The following KAZN variants were observed in gnomAD, a reference collection of about 807,000 sequenced individuals.
KAZN encodes the protein kazrin, periplakin interacting protein, also known as kazrin.
In KAZN, 40 loss-of-function variants were observed where a neutral mutation model predicts 87.4. The observed-to-expected ratio is 0.46, with a 90% CI of 0.36 to 0.60. The LOEUF (loss-of-function observed/expected upper bound fraction) is 0.60. KAZN is among the 20% of genes least tolerant of loss of function. KAZN has a pLI of 0.00. For synonymous variants in KAZN, 466 were observed against 458.3 expected (o/e 1.02, Z -0.22); for missense variants, 898 against 1,073.9 (o/e 0.84, Z 2.29).
intron 2 of KAZN, among the ~76,000 whole-genome samples, chr1:15,030,398 G>T (rs1278602851): frequency 6.6e-6 from 1 of 152,108 alleles, no homozygotes; most frequent in Admixed American, 6.5e-5. Flanking sequence ...CTCTGGAGTA[G>T]CTGAGACTAC....
rs573295719 is a variant in KAZN, at chr1:14,493,916, C to T, written c.250-105067C>T. ...CAATACTTCTTTGTCTCCTCAGTCC[C>T]ATCTCCAGGTCAGGGTTGTGTCTCA... On this transcript the variant is annotated intron_variant, in intron 2 of 16. Transcript: ENST00000636203. Among the ~76,000 whole-genome samples the T allele has an allele frequency of 5.9e-5, 9 of 152,300 alleles. No individual in the cohort carries two copies. The East Asian group carries it at 1.7e-3, about 29-fold the overall frequency.
intron 1 of KAZN, among the ~76,000 whole-genome samples, chr1:14,136,583 A>C (rs966728802): frequency 6.6e-6 from 1 of 151,066 alleles, no homozygotes. Context: ...TAAATTCCAA[A>C]GAGCTTCCCA....
chr1:14,893,486 C>T (rs1654940898), intron 1 of KAZN, among the ~76,000 whole-genome samples: 1 of 152,182 alleles, frequency 6.6e-6, no homozygotes, highest in South Asian at 2.1e-4. Context: ...GAGCAAAGCC[C>T]TTGCTGATGC....
At chr1:14,601,626 G>A (rs1300029893) in intron 1 of KAZN, among the ~76,000 whole-genome samples, 1 of 152,150 alleles carries the variant, frequency 6.6e-6, no homozygotes, top group Non-Finnish European at 1.5e-5. Flanking sequence ...GCAATTGATT[G>A]GGTTCCACTT....
intron 2 of KAZN, among the ~76,000 whole-genome samples, chr1:14,514,029 A>G (rs913711222): frequency 9.2e-5 from 14 of 151,752 alleles, no homozygotes; most frequent in African/African-American, 3.4e-4. Flanking sequence ...CCGAAAAAAA[A>G]TATTTTTTAG....
chr1:14,564,042 G>A (rs1449947731), intron 2 of KAZN, among the ~76,000 whole-genome samples: 1 of 151,598 alleles, frequency 6.6e-6, no homozygotes, highest in African/African-American at 2.4e-5. Flanking sequence ...GCCAATTTTT[G>A]TATTTTAGTA....
intron 1 of KAZN, among the ~76,000 whole-genome samples, chr1:14,023,773 G>A (rs116170063): frequency 0.011 from 1,683 of 152,300 alleles, 27 homozygotes; most frequent in African/African-American, 0.037. Context: ...GGGGAAGTGG[G>A]TGAGTGAGGA....
At chr1:14,706,753 C>T (rs374745168) in intron 1 of KAZN, among the ~76,000 whole-genome samples, 1 of 152,208 alleles carries the variant, frequency 6.6e-6, no homozygotes, top group South Asian at 2.1e-4. Flanking sequence ...AGTTTCTCCA[C>T]ACCTTTTAGT....
At chr1:14,182,724 G>C (rs1329783551) in intron 2 of KAZN, among the ~76,000 whole-genome samples, 1 of 152,058 alleles carries the variant, frequency 6.6e-6, no homozygotes, top group Non-Finnish European at 1.5e-5. Context: ...GGGCATTTCG[G>C]GGGCTAATTC....
At chr1:14,976,031 CAAAAAAA>C (rs1162988294) in intron 2 of KAZN, among the ~76,000 whole-genome samples, 256 of 85,510 alleles carry the variant, frequency 3.0e-3, no homozygotes, top group Non-Finnish European at 5.2e-3. Flanking sequence ...GACTCCGTCT[CAAAAAAA>C]AAAAAAAAAA....
chr1:14,005,863 T>C (rs1204294597), intron 1 of KAZN, among the ~76,000 whole-genome samples: 1 of 152,190 alleles, frequency 6.6e-6, no homozygotes, highest in African/African-American at 2.4e-5. Flanking sequence ...CACTGGCCTG[T>C]AGTGTTACAG....
chr1:14,481,215 G>C (rs992494373), intron 2 of KAZN, among the ~76,000 whole-genome samples: 1 of 152,050 alleles, frequency 6.6e-6, no homozygotes, highest in Non-Finnish European at 1.5e-5. Flanking sequence ...CAATTTTCCT[G>C]CCCACTCAGT....
intron 1 of KAZN, among the ~76,000 whole-genome samples, chr1:14,951,977 A>C (rs10803327): frequency 0.4 from 60,479 of 152,072 alleles, 13,022 homozygotes; most frequent in African/African-American, 0.57. Flanking sequence ...CGCAGAGCCC[A>C]GCAGACCTGG....
At chr1:14,075,743 C>T (rs942216730) in intron 1 of KAZN, among the ~76,000 whole-genome samples, 4 of 152,172 alleles carry the variant, frequency 2.6e-5, no homozygotes, top group Non-Finnish European at 4.4e-5. Context: ...AGCAGCAACA[C>T]TTGGGCTGAA....
chr1:14,227,292 T>C (rs1647375986), intron 2 of KAZN, among the ~76,000 whole-genome samples: 2 of 152,118 alleles, frequency 1.3e-5, no homozygotes, highest in African/African-American at 4.8e-5. Context: ...TTGGATCCTA[T>C]GGGTCAGGAA....
intron 1 of KAZN, among the ~76,000 whole-genome samples, chr1:14,082,831 AGTAC>A (rs1227360361): frequency 6.6e-6 from 1 of 152,138 alleles, no homozygotes; most frequent in Non-Finnish European, 1.5e-5. Flanking sequence ...CACCTCTCTA[AGTAC>A]CCCTCCCACT....
At chr1:14,818,473 G>T (rs1238385123) in intron 1 of KAZN, among the ~76,000 whole-genome samples, 1 of 152,240 alleles carries the variant, frequency 6.6e-6, no homozygotes, top group Non-Finnish European at 1.5e-5. Flanking sequence ...CAGGGACAAG[G>T]GTCACGAAGC....
At chr1:15,042,001 C>T (rs377325836) in intron 3 of KAZN, among the ~76,000 whole-genome samples, 5 of 152,224 alleles carry the variant, frequency 3.3e-5, no homozygotes, top group African/African-American at 9.6e-5. Flanking sequence ...ACAGAACGTT[C>T]TGTGACAGTT....
intron 1 of KAZN, among the ~76,000 whole-genome samples, chr1:14,139,103 A>C: frequency 6.6e-6 from 1 of 152,190 alleles, no homozygotes. Context: ...AGAAAACATT[A>C]CAACCCCTTA....
Sources: gnomAD v4.1 joint callset for allele counts (sites outside exome capture counted in the v4.1 genomes callset) on GRCh38, gnomAD v4.1.1 for gene constraint, MANE v1.5 for transcripts, NCBI Gene and HGNC (gene_info 2026-07-23, HGNC 2026-07-21) for gene names.